Variants in CLPS observed in about 807,000 individuals in gnomAD.
The protein encoded by CLPS is colipase.
In CLPS, 8 loss-of-function variants were observed where a neutral mutation model predicts 9.3. That is an observed-to-expected ratio of 0.86 (90% CI 0.51 to 1.56). The LOEUF is 1.56. Ranked by LOEUF, CLPS falls within the 40% of genes most tolerant of loss-of-function variation. The pLI, the probability that CLPS is intolerant of heterozygous loss-of-function variation, is 0.00. For synonymous variants in CLPS, 61 were observed against 56.2 expected (o/e 1.09, Z -0.39); for missense variants, 144 against 145.7 (o/e 0.99, Z 0.06).
Position 35,795,009 on chromosome 6 carries a change from G to A in CLPS, c.*137C>T. The A allele has an allele frequency of 8.0e-7, 1 of 1,257,172 alleles. No individual in the cohort carries two copies. The highest frequency in any genetic ancestry group is 1.1e-6 in the Non-Finnish European group (1 of 915,500). The allele number at this position is 1,257,172 out of a possible 1,614,324, so 77.9% of individuals were successfully genotyped here. A position where few individuals can be genotyped will look rare whatever the true frequency, so the allele number is the denominator to read the frequency against. On this transcript the variant is annotated 3_prime_UTR_variant, in exon 3 of 3. Coordinates refer to ENST00000259938, the MANE Select transcript of CLPS (RefSeq NM_001832.4). ...AGGTTTGCAGGAGGCCTTTAATTGT[G>A]AAGAGCGCAATCAGAAAACAGATAT...
At chr6:35,796,311 C>T (rs1446160700) in intron 1 of CLPS, among the ~76,000 whole-genome samples, 3 of 152,278 alleles carry the variant, frequency 2.0e-5, no homozygotes, top group African/African-American at 7.2e-5. Flanking sequence ...CCTCCAAGTC[C>T]AGCCATGGCC....
At chr6:35,795,424 C>T in intron 2 of CLPS, 147 bp from the exon 3 acceptor site, 2 of 1,248,584 alleles carry the variant, frequency 1.6e-6, no homozygotes, top group East Asian at 2.5e-5. Flanking sequence ...GCCGTGGGCC[C>T]TGGAGACCCC....
At chr6:35,797,184 C>T (rs774377619) in intron 1 of CLPS, 21 bp downstream of exon 1, 1 of 1,607,220 alleles carries the variant, frequency 6.2e-7, no homozygotes, top group Admixed American at 1.7e-5. Flanking sequence ...CAGGAGGCGC[C>T]TCCCCTGAAG....
At chr6:35,797,106 C>T in intron 1 of CLPS, 99 bp downstream of exon 1, 2 of 1,129,262 alleles carry the variant, frequency 1.8e-6, no homozygotes, top group Non-Finnish European at 1.3e-6. Context: ...CTCCTCCCAG[C>T]CCCTGCCAGT....
chr6:35,796,988 G>A, intron 1 of CLPS: 1 of 591,754 alleles, frequency 1.7e-6, no homozygotes, highest in Non-Finnish European at 3.0e-6. Context: ...CTGCTGCTCT[G>A]AGCATGCTCC....
At chr6:35,795,698 T>G (rs1342837215) in intron 2 of CLPS, 33 bp downstream of exon 2, 1 of 1,606,864 alleles carries the variant, frequency 6.2e-7, no homozygotes, top group East Asian at 2.2e-5. Flanking sequence ...CTCCCCATTC[T>G]CCCCCACCCA....
intron 2 of CLPS, 46 bp from the exon 3 acceptor site, chr6:35,795,323 T>C (rs1020940447): frequency 1.3e-6 from 2 of 1,597,682 alleles, no homozygotes; most frequent in Non-Finnish European, 8.5e-7. Context: ...GGAGATACTT[T>C]GGACATCACT....
intron 1 of CLPS, 85 bp from the exon 2 acceptor site, chr6:35,795,938 A>G: frequency 3.2e-6 from 5 of 1,565,214 alleles, no homozygotes; most frequent in Non-Finnish European, 4.3e-6. Flanking sequence ...CACTACCACT[A>G]ACAGTGTCTC....
intron 1 of CLPS, among the ~76,000 whole-genome samples, chr6:35,796,080 T>C (rs1441814293): frequency 2.0e-5 from 3 of 152,286 alleles, no homozygotes; most frequent in East Asian, 1.9e-4. Flanking sequence ...CCCTGGGTTC[T>C]AGTACCGGCT....
Position 35,797,316 on chromosome 6 carries a change from C to A in CLPS, c.-28G>T. ...TGAGTGGGACAGCTGGTGTGGGTGG[C>A]GGGAGACAGAGCCAGCTGTGGTGAT... On this transcript the variant is annotated 5_prime_UTR_variant, in exon 1 of 3. Coordinates refer to ENST00000259938, the MANE Select transcript of CLPS (RefSeq NM_001832.4). 1 of 1,606,672 alleles carries A rather than the reference C, an allele frequency of 6.2e-7. No homozygotes were observed. Among genetic ancestry groups the A allele is most frequent in the South Asian group, 1.1e-5 (1 of 90,806 alleles).
Position 35,795,087 on chromosome 6 carries a change from G to A in CLPS, c.*59C>T. 6.3e-7 allele frequency: 1 copy of A among 1,583,124 alleles called. No homozygotes were observed. The highest frequency in any genetic ancestry group is 8.6e-7 in the Non-Finnish European group (1 of 1,163,598). On this transcript the variant is annotated 3_prime_UTR_variant, in exon 3 of 3. Coordinates refer to ENST00000259938, the MANE Select transcript of CLPS (RefSeq NM_001832.4). ...AGATGCGCTGGAGCAGGGGAGAGAT[G>A]CCCCTGCGCCTAGTGGCCTACAGCA...
chr6:35,797,173 T>C (rs747010477), intron 1 of CLPS, 32 bp downstream of exon 1: 1 of 1,582,524 alleles, frequency 6.3e-7, no homozygotes, highest in South Asian at 1.1e-5. Flanking sequence ...ATCTGGGGAC[T>C]CAGGAGGCGC....
At chr6:35,796,473 CCTCT>C (rs1768371513) in intron 1 of CLPS, among the ~76,000 whole-genome samples, 1 of 152,280 alleles carries the variant, frequency 6.6e-6, no homozygotes, top group Non-Finnish European at 1.5e-5. Flanking sequence ...GGTTGCTCAC[CCTCT>C]CTCTGTCTGA....
At chr6:35,796,926 C>A in intron 1 of CLPS, 1 of 467,008 alleles carries the variant, frequency 2.1e-6, no homozygotes, top group Non-Finnish European at 3.9e-6. Flanking sequence ...GAGCAAGACT[C>A]CGTTTCAAAA....
chr6:35,795,584 G>A (rs1422435784), intron 2 of CLPS, 147 bp downstream of exon 2: 1 of 1,319,634 alleles, frequency 7.6e-7, no homozygotes, highest in Non-Finnish European at 1.0e-6. Flanking sequence ...ATGATGGGAT[G>A]GGAAAGTGCT....
At chr6:35,795,966 G>A (rs902797679) in intron 1 of CLPS, 113 bp from the exon 2 acceptor site, 7 of 1,514,264 alleles carry the variant, frequency 4.6e-6, no homozygotes, top group African/African-American at 1.4e-5. Flanking sequence ...AGGGATGTGT[G>A]TGAAGGAGTC....
chr6:35,796,964 A>G (rs1054163962), intron 1 of CLPS: 1 of 571,948 alleles, frequency 1.7e-6, no homozygotes, highest in African/African-American at 1.9e-5. Context: ...AAGGTCCCTC[A>G]TAGCCAGGTT....
chr6:35,795,136 G>A lies in CLPS; in HGVS notation c.*10C>T. On this transcript the variant is annotated 3_prime_UTR_variant, in exon 3 of 3. Coordinates refer to ENST00000259938, the MANE Select transcript of CLPS (RefSeq NM_001832.4). Reference sequence around the variant, plus strand: ...CATTCTGGGCTAGGTGTGGGAGTGGGTGGGCAGTCTCACTGCTTGGAGCGT... The same window carrying A: ...CATTCTGGGCTAGGTGTGGGAGTGGATGGGCAGTCTCACTGCTTGGAGCGT... 1.2e-6 allele frequency: 2 copies of A among 1,612,726 alleles called. No individual in the cohort carries two copies. The highest frequency in any genetic ancestry group is 1.7e-6 in the Non-Finnish European group (2 of 1,179,448).
chr6:35,795,010 AAG>A lies in CLPS; in HGVS notation c.*134_*135del. ...GGTTTGCAGGAGGCCTTTAATTGTG[AAG>A]AGCGCAATCAGAAAACAGATATGCT... On this transcript the variant is annotated 3_prime_UTR_variant, in exon 3 of 3. Coordinates refer to ENST00000259938, the MANE Select transcript of CLPS (RefSeq NM_001832.4). The A allele has an allele frequency of 7.9e-7, 1 of 1,260,124 alleles. No individual in the cohort carries two copies. Among genetic ancestry groups the A allele is most frequent in the African/African-American group, 1.5e-5 (1 of 66,880 alleles). 78.1% of individuals were successfully genotyped at this position (1,260,124 alleles called of 1,614,324 possible).
Sources: allele counts gnomAD v4.1 joint callset (sites outside exome capture counted in the v4.1 genomes callset), GRCh38; gene constraint gnomAD v4.1.1; transcripts MANE v1.5; gene names NCBI Gene and HGNC (gene_info 2026-07-23, HGNC 2026-07-21).